DCHS2: variants seen among roughly 807,000 people sequenced by gnomAD.
DCHS2 encodes the protein dachsous cadherin-related 2.
In DCHS2, 142 loss-of-function variants were observed where a neutral mutation model predicts 182.4. The observed-to-expected ratio is 0.78, with a 90% CI of 0.68 to 0.89. DCHS2 has a LOEUF of 0.89. Among genes scored for constraint, DCHS2 ranks in the 40% least tolerant of loss-of-function variants. The pLI is 0.00. For missense variants in DCHS2, 4,319 were observed against 4,198.6 expected, an observed-to-expected ratio of 1.03 and a Z score of -0.79; for synonymous variants, 1,740 against 1,663.3, an observed-to-expected ratio of 1.05 and a Z score of -1.12.
intron 1 of DCHS2, among the ~76,000 whole-genome samples, chr4:154,429,125 T>A (rs1733457364): frequency 6.6e-6 from 1 of 152,184 alleles, no homozygotes; most frequent in Non-Finnish European, 1.5e-5. Context: ...TATGCAACTA[T>A]GAGGGGATAT....
rs1735372644 is a variant in DCHS2 at position 154,304,730 on chromosome 4, A to G, written c.5544T>C (p.Tyr1848=). ...CATCCATATCAGAGGCTAAAACCGT[A>G]TAGACAACCTCTGGTTCCTGGTTTT... is the stretch of plus-strand genomic sequence containing the variant. ...VLENQEPEVV[Y]TVLASDMDAG... is the part of the protein sequence containing the mutation. The change falls in exon 12 of 20, where the codon TAT becomes TAC. Residue 1848 remains tyrosine (Y), a synonymous_variant. Coordinates refer to ENST00000357232, the MANE Select transcript of DCHS2 (RefSeq NM_001358235.2). The G allele has an allele frequency of 5.6e-6, 9 of 1,613,958 alleles. No homozygotes were observed. In the South Asian group the frequency reaches 9.9e-5, roughly 18 times the overall value.
intron 1 of DCHS2, among the ~76,000 whole-genome samples, chr4:154,414,382 A>C (rs944885126): frequency 1.6e-4 from 25 of 152,114 alleles, no homozygotes; most frequent in African/African-American, 5.8e-4. Context: ...TTAACACTAT[A>C]AATTATCCTC....
chr4:154,435,540 G>C (rs1318355836), intron 1 of DCHS2, among the ~76,000 whole-genome samples: 1 of 151,306 alleles, frequency 6.6e-6, no homozygotes, highest in African/African-American at 2.4e-5. Flanking sequence ...AGCTTGCAGT[G>C]AGCCCAGATT....
chr4:154,386,373 A>G (rs1377034235), intron 1 of DCHS2, among the ~76,000 whole-genome samples: 2 of 152,122 alleles, frequency 1.3e-5, no homozygotes, highest in Non-Finnish European at 2.9e-5. Flanking sequence ...TGTGCCTGCA[A>G]GGCCTTTCCT....
At chr4:154,351,827 G>A (rs1470880311) in intron 3 of DCHS2, among the ~76,000 whole-genome samples, 3 of 152,128 alleles carry the variant, frequency 2.0e-5, no homozygotes, top group Non-Finnish European at 4.4e-5. Context: ...CGGCGGTAAT[G>A]CTCACTCACC....
chr4:154,324,177 CA>C (rs1736190270), intron 7 of DCHS2, among the ~76,000 whole-genome samples: 1 of 152,146 alleles, frequency 6.6e-6, no homozygotes, highest in Non-Finnish European at 1.5e-5. Context: ...ATGATTTAAA[CA>C]TATTAGTTGT....
chr4:154,356,767 T>C (rs1036793860), intron 3 of DCHS2, among the ~76,000 whole-genome samples: 1 of 152,196 alleles, frequency 6.6e-6, no homozygotes, highest in African/African-American at 2.4e-5. Context: ...TCTAGATTTA[T>C]GTAAGTACAC....
intron 1 of DCHS2, among the ~76,000 whole-genome samples, chr4:154,424,065 G>A (rs1169215030): frequency 1.3e-5 from 2 of 152,206 alleles, no homozygotes; most frequent in East Asian, 3.8e-4. Context: ...ACAAATGCTT[G>A]ATGAATTAGT....
chr4:154,390,476 A>T (rs1731647926), intron 1 of DCHS2, among the ~76,000 whole-genome samples: 1 of 151,582 alleles, frequency 6.6e-6, no homozygotes, highest in Admixed American at 6.6e-5. Context: ...CTCAAAAGTT[A>T]CCTCACTTTT....
chr4:154,374,002 C>CAAAA (rs35401379), intron 2 of DCHS2: 483 of 596,568 alleles, frequency 8.1e-4, no homozygotes, highest in Middle Eastern at 2.1e-3. Context: ...ATTTTAATAG[C>CAAAA]AAAAAAAAAA....
At chr4:154,320,118 A>C (rs576357207) in intron 9 of DCHS2, among the ~76,000 whole-genome samples, 1 of 152,304 alleles carries the variant, frequency 6.6e-6, no homozygotes, top group East Asian at 1.9e-4. Context: ...TTCCATTTAC[A>C]TGAAGTATCT....
At chr4:154,393,274 C>A (rs925127154) in intron 1 of DCHS2, among the ~76,000 whole-genome samples, 1 of 152,134 alleles carries the variant, frequency 6.6e-6, no homozygotes, top group Non-Finnish European at 1.5e-5. Flanking sequence ...CCATTCCTTG[C>A]AAGTTAGAAC....
At chr4:154,325,022 A>G (rs1398563944) in intron 7 of DCHS2, among the ~76,000 whole-genome samples, 3 of 152,212 alleles carry the variant, frequency 2.0e-5, no homozygotes, top group African/African-American at 7.2e-5. Flanking sequence ...ACATGCCTCA[A>G]TTATCATTTA....
At chr4:154,430,360 G>A (rs1579075810) in intron 1 of DCHS2, among the ~76,000 whole-genome samples, 1 of 152,102 alleles carries the variant, frequency 6.6e-6, no homozygotes, top group African/African-American at 2.4e-5. Flanking sequence ...CTAGAAAAAG[G>A]CATTCATTTC....
At chr4:154,354,134 C>G (rs556169951) in intron 3 of DCHS2, among the ~76,000 whole-genome samples, 1 of 152,276 alleles carries the variant, frequency 6.6e-6, no homozygotes, top group East Asian at 1.9e-4. Flanking sequence ...CCATGTTGCC[C>G]AGACTGGCCT....
chr4:154,256,376 C>A (rs973198663), intron 15 of DCHS2, among the ~76,000 whole-genome samples: 5 of 152,112 alleles, frequency 3.3e-5, no homozygotes, highest in African/African-American at 1.2e-4. Flanking sequence ...CTCAAGCGAT[C>A]CACCTGCATC....
chr4:154,408,483 A>G (rs147802575), intron 1 of DCHS2, among the ~76,000 whole-genome samples: 3 of 152,250 alleles, frequency 2.0e-5, no homozygotes, highest in African/African-American at 7.2e-5. Flanking sequence ...TATTTTGTAT[A>G]TAACTTATTT....
chr4:154,459,581 G>T (rs1041350708), intron 1 of DCHS2, among the ~76,000 whole-genome samples: 1 of 152,032 alleles, frequency 6.6e-6, no homozygotes, highest in Non-Finnish European at 1.5e-5. Context: ...CCCTTCCCAG[G>T]AATGACCCTG....
At chr4:154,336,801 A>T (rs1047895742) in intron 3 of DCHS2, among the ~76,000 whole-genome samples, 3 of 152,132 alleles carry the variant, frequency 2.0e-5, no homozygotes, top group Non-Finnish European at 2.9e-5. Context: ...ACAATTTGTG[A>T]TTATAACCAT....
Sources: gnomAD v4.1 joint callset for allele counts (sites outside exome capture counted in the v4.1 genomes callset) on GRCh38, gnomAD v4.1.1 for gene constraint, MANE v1.5 for transcripts, NCBI Gene and HGNC (gene_info 2026-07-23, HGNC 2026-07-21) for gene names.